Variants in ROBO1 observed in about 807,000 individuals in gnomAD.
The protein encoded by ROBO1 is roundabout homolog 1.
Under a neutral mutation model 195.9 loss-of-function variants are expected in ROBO1, and 149 were observed. The ratio of observed to expected loss-of-function variants is 0.76; its 90% CI spans 0.67 to 0.87. The LOEUF (loss-of-function observed/expected upper bound fraction) is 0.87. Among genes scored for constraint, ROBO1 ranks in the 40% least tolerant of loss-of-function variants. ROBO1 has a pLI of 0.00. For missense variants in ROBO1, 1,933 were observed against 2,068.3 expected (o/e 0.93, Z 1.27); for synonymous variants, 816 against 733.2 (o/e 1.11, Z -1.82).
At chr3:79,462,425 T>G (rs983767104) in intron 2 of ROBO1, among the ~76,000 whole-genome samples, 2 of 152,230 alleles carry the variant, frequency 1.3e-5, no homozygotes, top group African/African-American at 4.8e-5. Context: ...ATTACTTGTA[T>G]AGTAGATTTT....
At position 78,653,347 on chromosome 3, in the gene ROBO1, C is replaced by G. The variant is rs552478126; in HGVS notation, c.2615-1418G>C. On this transcript the variant is annotated intron_variant, in intron 18 of 30. Coordinates refer to ENST00000464233, the MANE Select transcript of ROBO1 (RefSeq NM_002941.4). ...AACTTACTTGACTCACCCCAGTGAC[C>G]CCACACCCCTCATGGACTGTGCAGA... 2.6e-5 allele frequency among the ~76,000 whole-genome samples: 4 copies of G among 152,184 alleles called. No individual in the cohort carries two copies. The East Asian group carries it at 7.8e-4, about 30-fold the overall frequency.
At position 79,423,084 on chromosome 3, in the gene ROBO1, A is replaced by G. The variant is rs563504983; in HGVS notation, c.88+166740T>C. Among the ~76,000 whole-genome samples the G allele has an allele frequency of 7.2e-5, 11 of 152,296 alleles. No homozygotes were observed. The East Asian group carries it at 2.1e-3, about 29-fold the overall frequency. Reference sequence around the variant, plus strand: ...AACATGGATTATAATGGGATACTCAAAATCAAACAGAATTAAACTACCATG... The same window carrying G: ...AACATGGATTATAATGGGATACTCAGAATCAAACAGAATTAAACTACCATG... On this transcript the variant is annotated intron_variant, in intron 2 of 30. Transcript: ENST00000464233.
At chr3:79,258,761 G>T (rs2082883726) in intron 2 of ROBO1, among the ~76,000 whole-genome samples, 2 of 152,098 alleles carry the variant, frequency 1.3e-5, no homozygotes, top group South Asian at 4.1e-4. Flanking sequence ...CACAGAATTT[G>T]TCATGTCAAA....
intron 2 of ROBO1, among the ~76,000 whole-genome samples, chr3:79,158,717 T>A (rs1576751465): frequency 1.3e-5 from 2 of 152,002 alleles, no homozygotes; most frequent in Admixed American, 1.3e-4. Flanking sequence ...TCAAATTCTG[T>A]CTTTACCTTA....
intron 15 of ROBO1, among the ~76,000 whole-genome samples, chr3:78,661,712 G>A (rs981720088): frequency 9.2e-5 from 14 of 152,150 alleles, no homozygotes; most frequent in Non-Finnish European, 1.9e-4. Context: ...AAAGATTCAT[G>A]TAATAATGAT....
At chr3:79,750,273 T>C (rs568518978) in intron 1 of ROBO1, among the ~76,000 whole-genome samples, 6 of 152,252 alleles carry the variant, frequency 3.9e-5, no homozygotes, top group Non-Finnish European at 7.3e-5. Context: ...TGTACTTCCA[T>C]TGTATCTAGG....
intron 1 of ROBO1, among the ~76,000 whole-genome samples, chr3:79,617,779 C>A (rs1944871299): frequency 6.9e-6 from 1 of 144,950 alleles, no homozygotes; most frequent in South Asian, 2.1e-4. Flanking sequence ...ATGCAAGAGG[C>A]CACTGCACTC....
chr3:79,415,937 T>C (rs2037981818), intron 2 of ROBO1, among the ~76,000 whole-genome samples: 1 of 152,118 alleles, frequency 6.6e-6, no homozygotes, highest in African/African-American at 2.4e-5. Flanking sequence ...GGTAGAAATA[T>C]TTAAGCAAAT....
At chr3:78,737,829 C>T (rs918844006) in intron 5 of ROBO1, among the ~76,000 whole-genome samples, 5 of 152,054 alleles carry the variant, frequency 3.3e-5, no homozygotes, top group African/African-American at 1.2e-4. Context: ...AAATAGAATA[C>T]ATAATATGCA....
chr3:79,253,906 T>C (rs1031321730), intron 2 of ROBO1, among the ~76,000 whole-genome samples: 1 of 152,218 alleles, frequency 6.6e-6, no homozygotes, highest in Non-Finnish European at 1.5e-5. Context: ...TAATTTCAGT[T>C]CTGCCACATG....
chr3:78,992,904 A>C (rs1230918107), intron 3 of ROBO1, among the ~76,000 whole-genome samples: 1 of 152,192 alleles, frequency 6.6e-6, no homozygotes, highest in African/African-American at 2.4e-5. Flanking sequence ...ATTTACCAGA[A>C]GCTGAAGCAG....
intron 3 of ROBO1, among the ~76,000 whole-genome samples, chr3:78,963,111 T>G (rs1045784148): frequency 2.1e-5 from 3 of 143,590 alleles, no homozygotes; most frequent in Non-Finnish European, 4.6e-5. Context: ...ATATATATAT[T>G]ACCTTGCAAT....
At chr3:79,204,125 T>C (rs573127559) in intron 2 of ROBO1, among the ~76,000 whole-genome samples, 7 of 152,156 alleles carry the variant, frequency 4.6e-5, no homozygotes, top group Admixed American at 1.3e-4. Flanking sequence ...GAGGTAGATA[T>C]GATATTTTGA....
At chr3:78,970,790 T>TA (rs1261884595) in intron 3 of ROBO1, among the ~76,000 whole-genome samples, 1 of 152,150 alleles carries the variant, frequency 6.6e-6, no homozygotes, top group African/African-American at 2.4e-5. Context: ...GGGATATGGG[T>TA]AATAATACAG....
intron 5 of ROBO1, among the ~76,000 whole-genome samples, chr3:78,733,651 T>C (rs2082330708): frequency 6.6e-6 from 1 of 152,178 alleles, no homozygotes; most frequent in Admixed American, 6.5e-5. Flanking sequence ...AATGGAACAT[T>C]GAGAATTAAA....
At chr3:79,384,357 TA>T (rs2036666333) in intron 2 of ROBO1, among the ~76,000 whole-genome samples, 1 of 151,956 alleles carries the variant, frequency 6.6e-6, no homozygotes, top group Non-Finnish European at 1.5e-5. Context: ...TTTTTTGTCT[TA>T]AATTACATAG....
At chr3:78,908,404 G>A (rs986959076) in intron 4 of ROBO1, among the ~76,000 whole-genome samples, 2 of 151,868 alleles carry the variant, frequency 1.3e-5, no homozygotes, top group Non-Finnish European at 2.9e-5. Context: ...AGACTTGTGC[G>A]TTGCGGTAAA....
intron 2 of ROBO1, among the ~76,000 whole-genome samples, chr3:79,156,747 T>G (rs1017524802): frequency 4.6e-5 from 7 of 151,868 alleles, no homozygotes; most frequent in African/African-American, 1.7e-4. Flanking sequence ...TGACATTATT[T>G]CCATATTTTA....
intron 2 of ROBO1, among the ~76,000 whole-genome samples, chr3:79,498,044 G>T (rs982939286): frequency 6.6e-6 from 1 of 151,906 alleles, no homozygotes; most frequent in African/African-American, 2.4e-5. Flanking sequence ...AACTATCATC[G>T]AATCTCATCT....
Sources: gnomAD v4.1 joint callset for allele counts (sites outside exome capture counted in the v4.1 genomes callset) on GRCh38, gnomAD v4.1.1 for gene constraint, MANE v1.5 for transcripts, NCBI Gene and HGNC (gene_info 2026-07-23, HGNC 2026-07-21) for gene names.